The following PIK3C2G variants were observed in gnomAD, a reference collection of about 807,000 sequenced individuals.
PIK3C2G encodes the protein phosphatidylinositol-4-phosphate 3-kinase catalytic subunit type 2 gamma.
PIK3C2G carries 168 observed loss-of-function variants against 181.1 expected under a neutral mutation model. The observed-to-expected ratio is 0.93, with a 90% CI of 0.82 to 1.05. PIK3C2G has a LOEUF of 1.05. Ranked by LOEUF, PIK3C2G falls within the 50% of genes least tolerant of loss-of-function variation. The pLI is 0.00. For missense variants in PIK3C2G, 1,869 were observed against 1,732.8 expected (o/e 1.08, Z -1.40); for synonymous variants, 573 against 592.2 (o/e 0.97, Z 0.47).
rs149968046 is a variant in PIK3C2G at position 18,404,392 on chromosome 12, G to A, written c.2315+4545G>A. On this transcript the variant is annotated intron_variant, in intron 16 of 32. Transcript: ENST00000538779. ...GGTAGATGAATAAGCCATAGTGACT[G>A]TCTCTAAACAAGGTACAATTTATAG... Among the ~76,000 whole-genome samples, 1,166 of 152,240 alleles carry A rather than the reference G, an allele frequency of 7.7e-3. 16 individuals are homozygous for A. Among genetic ancestry groups the A allele is most frequent in the African/African-American group, 0.027 (1,110 of 41,544 alleles).
At chr12:18,712,720 G>A in the PIK3C2G span, 1 of 1,239,196 alleles carries the variant, frequency 8.1e-7, no homozygotes, top group Admixed American at 1.9e-5. Flanking sequence ...CCTACTAATG[G>A]ATCATAACCC....
chr12:18,658,023 T>A, the PIK3C2G span, among the ~76,000 whole-genome samples: 2 of 151,804 alleles, frequency 1.3e-5, no homozygotes, highest in African/African-American at 2.4e-5. Flanking sequence ...CAAAAAAAAA[T>A]TCTGGATTAA....
intron 20 of PIK3C2G, among the ~76,000 whole-genome samples, chr12:18,493,995 A>G (rs993685220): frequency 2.0e-5 from 3 of 152,210 alleles, no homozygotes; most frequent in Non-Finnish European, 4.4e-5. Context: ...CTACTTAGGG[A>G]AAACAAGCAC....
At chr12:18,413,121 A>G (rs183203596) in intron 16 of PIK3C2G, among the ~76,000 whole-genome samples, 2 of 151,980 alleles carry the variant, frequency 1.3e-5, no homozygotes, top group African/African-American at 4.8e-5. Context: ...TTTGTCTCTC[A>G]GTGTCTTCAT....
At chr12:18,414,121 T>G (rs1041875839) in intron 16 of PIK3C2G, among the ~76,000 whole-genome samples, 1 of 152,122 alleles carries the variant, frequency 6.6e-6, no homozygotes, top group Non-Finnish European at 1.5e-5. Context: ...GAAGAAAATT[T>G]TAAGGCAACT....
the PIK3C2G span, among the ~76,000 whole-genome samples, chr12:18,718,013 AC>A: frequency 6.6e-6 from 1 of 152,050 alleles, no homozygotes; most frequent in African/African-American, 2.4e-5. Flanking sequence ...AGGGTAAACA[AC>A]CAAAACTCTA....
chr12:18,554,648 T>C (rs1051760024), intron 26 of PIK3C2G, among the ~76,000 whole-genome samples: 2 of 152,090 alleles, frequency 1.3e-5, no homozygotes, highest in Admixed American at 6.6e-5. Context: ...TAAATTTTTT[T>C]GCTTAAAAAA....
chr12:18,509,348 A>G (rs1317899261), intron 24 of PIK3C2G, among the ~76,000 whole-genome samples: 2 of 152,214 alleles, frequency 1.3e-5, no homozygotes, highest in Non-Finnish European at 2.9e-5. Flanking sequence ...GCACCCAGTT[A>G]CAAAATATTG....
intron 24 of PIK3C2G, among the ~76,000 whole-genome samples, chr12:18,535,950 G>C (rs761817173): frequency 5.7e-5 from 7 of 122,622 alleles, no homozygotes; most frequent in African/African-American, 1.4e-4. Flanking sequence ...ACACACCAGG[G>C]CCTGCTGTGG....
intron 29 of PIK3C2G, among the ~76,000 whole-genome samples, chr12:18,593,235 G>A (rs147679086): frequency 6.6e-6 from 1 of 151,982 alleles, no homozygotes; most frequent in East Asian, 1.9e-4. Flanking sequence ...ATAATATCAT[G>A]TCCTGGAGTA....
rs192851848 is a variant in PIK3C2G, at chr12:18,509,482, C to A, written c.3323+4021C>A. 6.7e-3 allele frequency among the ~76,000 whole-genome samples: 1,015 copies of A among 152,290 alleles called. 11 individuals are homozygous for A. The highest frequency in any genetic ancestry group is 0.024 in the African/African-American group (984 of 41,556). On this transcript the variant is annotated intron_variant, in intron 24 of 32. Transcript: ENST00000538779. ...CCCTTTATACTCATGCTTACATCACCATTCCGGAACATCTCACACTAAGCA... is the reference window on the plus strand; with the variant it reads ...CCCTTTATACTCATGCTTACATCACAATTCCGGAACATCTCACACTAAGCA...
chr12:18,673,992 T>C, the PIK3C2G span, among the ~76,000 whole-genome samples: 1 of 152,186 alleles, frequency 6.6e-6, no homozygotes, highest in Non-Finnish European at 1.5e-5. Context: ...CTGTATTCTA[T>C]TGGATAAAAG....
chr12:18,725,297 A>G, the PIK3C2G span, among the ~76,000 whole-genome samples: 3 of 152,176 alleles, frequency 2.0e-5, no homozygotes, highest in African/African-American at 7.2e-5. Context: ...CGGGGAGAAG[A>G]AAAGCAATAA....
At chr12:18,630,125 A>G (rs1042223629) in intron 31 of PIK3C2G, among the ~76,000 whole-genome samples, 2 of 152,074 alleles carry the variant, frequency 1.3e-5, no homozygotes, top group Non-Finnish European at 2.9e-5. Context: ...GAATAAGATG[A>G]AGGGGGCCAG....
At chr12:18,629,538 G>T (rs1949255800) in intron 31 of PIK3C2G, among the ~76,000 whole-genome samples, 1 of 152,142 alleles carries the variant, frequency 6.6e-6, no homozygotes, top group African/African-American at 2.4e-5. Flanking sequence ...GATTAATTCT[G>T]GGACTAAGTT....
At chr12:18,676,455 C>T in the PIK3C2G span, among the ~76,000 whole-genome samples, 1 of 152,058 alleles carries the variant, frequency 6.6e-6, no homozygotes, top group East Asian at 1.9e-4. Flanking sequence ...GTGAAAATGC[C>T]TGCATTTGCC....
At chr12:18,589,321 G>T (rs1946951758) in intron 29 of PIK3C2G, among the ~76,000 whole-genome samples, 1 of 151,936 alleles carries the variant, frequency 6.6e-6, no homozygotes, top group African/African-American at 2.4e-5. Flanking sequence ...ACAAAAACTT[G>T]ATTGGAATTG....
At chr12:18,719,048 G>C in the PIK3C2G span, among the ~76,000 whole-genome samples, 1 of 152,162 alleles carries the variant, frequency 6.6e-6, no homozygotes, top group Non-Finnish European at 1.5e-5. Flanking sequence ...TATGTGTCCT[G>C]ATGTCTGAGA....
At chr12:18,680,730 A>G in the PIK3C2G span, among the ~76,000 whole-genome samples, 1 of 152,096 alleles carries the variant, frequency 6.6e-6, no homozygotes, top group Non-Finnish European at 1.5e-5. Flanking sequence ...AAAAGGAGAC[A>G]CAACATGGGA....
Sources: gnomAD v4.1 joint callset for allele counts (sites outside exome capture counted in the v4.1 genomes callset) on GRCh38, gnomAD v4.1.1 for gene constraint, MANE v1.5 for transcripts, NCBI Gene and HGNC (gene_info 2026-07-23, HGNC 2026-07-21) for gene names.